Variants in MTMR7 observed in about 807,000 individuals in gnomAD.
The protein encoded by MTMR7 is myotubularin related protein 7, also known as phosphatidylinositol-3-phosphate phosphatase MTMR7.
Under a neutral mutation model 81.2 loss-of-function variants are expected in MTMR7, and 76 were observed. The observed-to-expected ratio is 0.94, with a 90% confidence interval of 0.78 to 1.13. The LOEUF is 1.13. Ranked by LOEUF, MTMR7 falls within the 50% of genes most tolerant of loss-of-function variation. The pLI is 0.00. For missense variants in MTMR7, 1,044 were observed against 820.0 expected (o/e 1.27, Z -3.34); for synonymous variants, 372 against 289.8 (o/e 1.28, Z -2.88).
intron 1 of MTMR7, among the ~76,000 whole-genome samples, chr8:17,389,174 C>A (rs1465021333): frequency 1.3e-5 from 2 of 152,168 alleles, no homozygotes; most frequent in African/African-American, 2.4e-5. Flanking sequence ...TTAATAACAC[C>A]TTTCCTCAAC....
At chr8:17,375,211 G>A (rs1820544946) in intron 1 of MTMR7, among the ~76,000 whole-genome samples, 1 of 152,056 alleles carries the variant, frequency 6.6e-6, no homozygotes, top group Non-Finnish European at 1.5e-5. Flanking sequence ...AAAACACCAA[G>A]AGCAAACAGG....
chr8:17,334,576 A>G (rs1050923532), intron 6 of MTMR7, among the ~76,000 whole-genome samples: 1 of 152,232 alleles, frequency 6.6e-6, no homozygotes, highest in Non-Finnish European at 1.5e-5. Context: ...CTGTTTGATA[A>G]TATCAGTGTC....
rs137990546 is a variant in MTMR7 at position 17,345,618 on chromosome 8, T to C, written c.597+3335A>G. ...TCACCACAGGGGTGAAAGAATGTGATTACATCCATTAAAAGTAATGGCAAA... is the reference window on the plus strand; with the variant it reads ...TCACCACAGGGGTGAAAGAATGTGACTACATCCATTAAAAGTAATGGCAAA... On this transcript the variant is annotated intron_variant, in intron 5 of 13. Transcript: ENST00000180173. 1.4e-4 allele frequency among the ~76,000 whole-genome samples: 21 copies of C among 152,340 alleles called. No individual in the cohort carries two copies. In the East Asian group the frequency reaches 4.1e-3, roughly 29 times the overall value.
intron 4 of MTMR7, 126 bp from the exon 5 acceptor site, chr8:17,349,207 A>T: frequency 3.4e-6 from 4 of 1,178,710 alleles, no homozygotes; most frequent in Non-Finnish European, 4.8e-6. Flanking sequence ...GTTACAGAGG[A>T]GGCTATTTCG....
intron 1 of MTMR7, among the ~76,000 whole-genome samples, chr8:17,377,260 C>A (rs1417595672): frequency 5.9e-5 from 9 of 152,090 alleles, no homozygotes; most frequent in Non-Finnish European, 1.3e-4. Flanking sequence ...TATGTGGTTA[C>A]AGATCCGTTC....
intron 3 of MTMR7, among the ~76,000 whole-genome samples, chr8:17,365,542 T>A (rs1378317945): frequency 6.6e-6 from 1 of 152,104 alleles, no homozygotes; most frequent in East Asian, 1.9e-4. Context: ...AGCCAGCATA[T>A]CCAACTAAAA....
At chr8:17,369,076 C>T (rs1361208110) in intron 3 of MTMR7, among the ~76,000 whole-genome samples, 1 of 152,194 alleles carries the variant, frequency 6.6e-6, no homozygotes, top group Non-Finnish European at 1.5e-5. Context: ...GTTCGCTGGG[C>T]TATTCCTAAA....
In MTMR7 at chr8:17,408,353, C is replaced by T; in HGVS notation, c.24+4916G>A. Among the ~76,000 whole-genome samples the T allele has an allele frequency of 3.8e-5, 2 of 52,062 alleles. 1 individual carries two copies. The highest frequency in any genetic ancestry group is 1.2e-4 in the Non-Finnish European group (2 of 17,208). The allele number at this position is 52,062 out of a possible 152,430, so 34.2% of individuals were successfully genotyped here. A position where few individuals can be genotyped will look rare whatever the true frequency, so the allele number is the denominator to read the frequency against. On this transcript the variant is annotated intron_variant, in intron 1 of 13. Coordinates refer to ENST00000180173, the MANE Select transcript of MTMR7 (RefSeq NM_004686.5). The stretch of plus-strand genomic sequence containing the variant: ...GCAGTGAGCCGAGATTGCGCCACTG[C>T]AGTCCACAGTCCGGCCTGGGCGACA...
chr8:17,309,347 A>T (rs1720452179), intron 9 of MTMR7, 21 bp from the exon 10 acceptor site: 1 of 1,516,732 alleles, frequency 6.6e-7, no homozygotes, highest in African/African-American at 1.4e-5. Context: ...AAGAATACAA[A>T]TATCTTGGAG....
At chr8:17,376,436 T>C (rs1409602945) in intron 1 of MTMR7, among the ~76,000 whole-genome samples, 1 of 152,216 alleles carries the variant, frequency 6.6e-6, no homozygotes, top group Non-Finnish European at 1.5e-5. Flanking sequence ...ATGCTTTCAT[T>C]TATCTTGGCT....
intron 1 of MTMR7, among the ~76,000 whole-genome samples, chr8:17,403,922 G>A (rs1470326645): frequency 1.3e-5 from 2 of 152,090 alleles, no homozygotes; most frequent in East Asian, 1.9e-4. Context: ...TTTTGATTTC[G>A]TATCTTGCAA....
chr8:17,313,232 A>G (rs1563323669), intron 8 of MTMR7, 60 bp downstream of exon 8: 1 of 1,300,528 alleles, frequency 7.7e-7, no homozygotes, highest in Non-Finnish European at 1.1e-6. Context: ...AGGGATACCC[A>G]TTTTGAAGTC....
At chr8:17,361,312 G>C in intron 3 of MTMR7, 38 bp from the exon 4 acceptor site, 2 of 1,611,272 alleles carry the variant, frequency 1.2e-6, no homozygotes, top group Non-Finnish European at 1.7e-6. Context: ...ATCAAGCTTA[G>C]TCAAAACCAG....
intron 3 of MTMR7, among the ~76,000 whole-genome samples, chr8:17,363,129 A>G (rs968704345): frequency 6.6e-6 from 1 of 152,208 alleles, no homozygotes; most frequent in Non-Finnish European, 1.5e-5. Flanking sequence ...CGTAAAATCA[A>G]TTTCTTATCA....
chr8:17,346,654 A>C (rs1196623293), intron 5 of MTMR7, among the ~76,000 whole-genome samples: 1 of 152,038 alleles, frequency 6.6e-6, no homozygotes, highest in Non-Finnish European at 1.5e-5. Flanking sequence ...TTGTCTCAAG[A>C]ATATAAAAAG....
chr8:17,378,307 A>G (rs1820652368), intron 1 of MTMR7, among the ~76,000 whole-genome samples: 1 of 152,240 alleles, frequency 6.6e-6, no homozygotes, highest in South Asian at 2.1e-4. Context: ...TATAAAAATT[A>G]AAATTCAGTT....
At chr8:17,301,478 C>G (rs1470490837) in intron 13 of MTMR7, among the ~76,000 whole-genome samples, 1 of 152,084 alleles carries the variant, frequency 6.6e-6, no homozygotes, top group African/African-American at 2.4e-5. Context: ...GCAGCAAAAA[C>G]CATTAAATAT....
chr8:17,330,769 A>C (rs1206242288), intron 7 of MTMR7, among the ~76,000 whole-genome samples: 1 of 152,228 alleles, frequency 6.6e-6, no homozygotes, highest in African/African-American at 2.4e-5. Flanking sequence ...AGCAAGGATC[A>C]GTTTTTGAGC....
chr8:17,380,136 A>T (rs1487584676), intron 1 of MTMR7, among the ~76,000 whole-genome samples: 1 of 152,214 alleles, frequency 6.6e-6, no homozygotes, highest in East Asian at 1.9e-4. Context: ...GGGAACTGGC[A>T]GAAATTCTGT....
Sources: allele counts gnomAD v4.1 joint callset (sites outside exome capture counted in the v4.1 genomes callset), GRCh38; gene constraint gnomAD v4.1.1; transcripts MANE v1.5; gene names NCBI Gene and HGNC (gene_info 2026-07-23, HGNC 2026-07-21).